JMJD1C: variants seen among roughly 807,000 people sequenced by gnomAD.
The protein encoded by JMJD1C is jumonji domain containing 1C.
A neutral mutation model predicts 245.3 loss-of-function variants in JMJD1C; 31 were observed. That is an observed-to-expected ratio of 0.13 (90% CI 0.09 to 0.17). JMJD1C has a LOEUF of 0.17. Among genes scored for constraint, JMJD1C ranks in the 10% least tolerant of loss-of-function variants. The pLI is 1.00. For missense variants in JMJD1C, 2,691 were observed against 3,000.2 expected (o/e 0.90, Z 2.41); for synonymous variants, 1,057 against 1,017.4 (o/e 1.04, Z -0.74).
chr10:63,302,576 C>T (rs1860230803), intron 2 of JMJD1C, among the ~76,000 whole-genome samples: 1 of 152,180 alleles, frequency 6.6e-6, no homozygotes, highest in Non-Finnish European at 1.5e-5. Context: ...AAGTGAAAGA[C>T]ACCTTTACAA....
At chr10:63,420,041 CAGG>C (rs1950030793) in intron 1 of JMJD1C, among the ~76,000 whole-genome samples, 2 of 151,340 alleles carry the variant, frequency 1.3e-5, no homozygotes, top group African/African-American at 2.4e-5. Flanking sequence ...GAGGCTGAGG[CAGG>C]AGAATTGCTT....
At chr10:63,197,342 A>G in intron 13 of JMJD1C, 69 bp downstream of exon 13, 1 of 1,293,168 alleles carries the variant, frequency 7.7e-7, no homozygotes, top group Admixed American at 2.3e-5. Context: ...AACACATCTC[A>G]TGTTCTAGAA....
chr10:63,492,453 G>A (rs1954207975), intron 1 of JMJD1C, among the ~76,000 whole-genome samples: 1 of 152,172 alleles, frequency 6.6e-6, no homozygotes, highest in Non-Finnish European at 1.5e-5. Flanking sequence ...ATCACTTGAG[G>A]TCAGGGGTTT....
chr10:63,336,106 G>C (rs1942702762), intron 2 of JMJD1C, among the ~76,000 whole-genome samples: 1 of 152,024 alleles, frequency 6.6e-6, no homozygotes, highest in Non-Finnish European at 1.5e-5. Flanking sequence ...GAGTGACAGA[G>C]TGAGACCCTG....
At chr10:63,230,706 C>G (rs1849852785) in intron 3 of JMJD1C, among the ~76,000 whole-genome samples, 1 of 151,544 alleles carries the variant, frequency 6.6e-6, no homozygotes, top group Non-Finnish European at 1.5e-5. Context: ...ACCCAGCAAG[C>G]AGAAATTGCA....
chr10:63,432,352 C>G (rs1453112222), intron 1 of JMJD1C, among the ~76,000 whole-genome samples: 1 of 152,160 alleles, frequency 6.6e-6, no homozygotes, highest in Admixed American at 6.5e-5. Context: ...GTCCTCCTTA[C>G]TTGGTGCAAG....
At chr10:63,395,285 T>C (rs547987216) in intron 1 of JMJD1C, among the ~76,000 whole-genome samples, 2 of 152,232 alleles carry the variant, frequency 1.3e-5, no homozygotes, top group Non-Finnish European at 2.9e-5. Context: ...GAGACCATCC[T>C]GACTAACATG....
At chr10:63,342,221 A>G (rs1943444713) in intron 2 of JMJD1C, among the ~76,000 whole-genome samples, 2 of 152,244 alleles carry the variant, frequency 1.3e-5, no homozygotes, top group South Asian at 4.1e-4. Flanking sequence ...CAAAGTGATT[A>G]TAATAAGTGA....
At chr10:63,318,788 C>G (rs1354652331) in intron 2 of JMJD1C, among the ~76,000 whole-genome samples, 1 of 152,024 alleles carries the variant, frequency 6.6e-6, no homozygotes, top group Non-Finnish European at 1.5e-5. Flanking sequence ...CTTCACTAAC[C>G]AATGTATTTC....
chr10:63,181,652 A>T (rs1028119733), intron 22 of JMJD1C, among the ~76,000 whole-genome samples: 3 of 152,238 alleles, frequency 2.0e-5, no homozygotes, highest in African/African-American at 4.8e-5. Flanking sequence ...ATTCTCCTGA[A>T]ATTTTCTCGA....
chr10:63,328,913 A>G (rs1032532076), intron 2 of JMJD1C, among the ~76,000 whole-genome samples: 1 of 152,336 alleles, frequency 6.6e-6, no homozygotes, highest in South Asian at 2.1e-4. Flanking sequence ...CTAGGATTAC[A>G]CTATCATTTC....
intron 2 of JMJD1C, among the ~76,000 whole-genome samples, chr10:63,378,845 T>A (rs563191970): frequency 6.6e-6 from 1 of 152,306 alleles, no homozygotes; most frequent in Non-Finnish European, 1.5e-5. Flanking sequence ...ACTTTTTATA[T>A]GAACAATTCA....
chr10:63,273,397 T>A (rs1460018818), intron 2 of JMJD1C, among the ~76,000 whole-genome samples: 1 of 152,180 alleles, frequency 6.6e-6, no homozygotes, highest in Non-Finnish European at 1.5e-5. Context: ...TATTAATTGG[T>A]CTGGTACTCT....
At chr10:63,333,244 C>A (rs1270155412) in intron 2 of JMJD1C, among the ~76,000 whole-genome samples, 2 of 152,126 alleles carry the variant, frequency 1.3e-5, no homozygotes, top group East Asian at 1.9e-4. Flanking sequence ...AATATCCATT[C>A]TCCTATTTCT....
intron 2 of JMJD1C, among the ~76,000 whole-genome samples, chr10:63,331,676 A>G (rs1021861721): frequency 2.0e-5 from 3 of 152,160 alleles, no homozygotes; most frequent in Non-Finnish European, 4.4e-5. Flanking sequence ...ACAGTGGTGC[A>G]ATCTCAGCTC....
At chr10:63,172,502 G>T (rs1589043374) in intron 24 of JMJD1C, among the ~76,000 whole-genome samples, 2 of 152,096 alleles carry the variant, frequency 1.3e-5, no homozygotes, top group East Asian at 3.9e-4. Context: ...AACATTAAGT[G>T]CATTATTCTA....
At chr10:63,252,924 C>T (rs901601330) in intron 3 of JMJD1C, among the ~76,000 whole-genome samples, 8 of 152,176 alleles carry the variant, frequency 5.3e-5, no homozygotes, top group African/African-American at 1.9e-4. Context: ...TAAATGAATG[C>T]CTATATGTTA....
chr10:63,483,920 C>G (rs1953903733), intron 1 of JMJD1C, among the ~76,000 whole-genome samples: 1 of 152,202 alleles, frequency 6.6e-6, no homozygotes, highest in Non-Finnish European at 1.5e-5. Context: ...TGCACTAATA[C>G]TTCTCAGCAT....
intron 1 of JMJD1C, among the ~76,000 whole-genome samples, chr10:63,387,619 G>GA (rs1223562618): frequency 0.013 from 1,164 of 90,746 alleles, 319 homozygotes; most frequent in Non-Finnish European, 0.015. Flanking sequence ...GAAGAAAAAA[G>GA]AAAAAAAAAA....
Sources: gnomAD v4.1 joint callset for allele counts (sites outside exome capture counted in the v4.1 genomes callset) on GRCh38, gnomAD v4.1.1 for gene constraint, MANE v1.5 for transcripts, NCBI Gene and HGNC (gene_info 2026-07-23, HGNC 2026-07-21) for gene names.